JARID2: variants seen among roughly 807,000 people sequenced by gnomAD.
JARID2 encodes protein Jumonji.
Under a neutral mutation model 125.6 loss-of-function variants are expected in JARID2, and 21 were observed. The observed-to-expected ratio is 0.17, with a 90% CI of 0.12 to 0.24. The LOEUF (loss-of-function observed/expected upper bound fraction) is 0.24. JARID2 is among the 10% of genes least tolerant of loss of function. The pLI is 1.00. For synonymous variants in JARID2, 736 were observed against 661.6 expected (o/e 1.11, Z -1.73); for missense variants, 1,303 against 1,639.6 (o/e 0.79, Z 3.55).
At chr6:15,486,306 C>T (rs1769862318) in intron 5 of JARID2, among the ~76,000 whole-genome samples, 1 of 152,234 alleles carries the variant, frequency 6.6e-6, no homozygotes. Context: ...AAACCCATAA[C>T]GTTGGTGTTT....
At chr6:15,298,965 C>T (rs527591248) in intron 1 of JARID2, among the ~76,000 whole-genome samples, 9 of 131,774 alleles carry the variant, frequency 6.8e-5, no homozygotes, top group Admixed American at 5.6e-4. Context: ...GCTGGGTATC[C>T]TTAAATGTGT....
chr6:15,501,325 A>G lies in JARID2; in HGVS notation c.2364A>G (p.Arg788=). The part of the protein sequence containing the change: ...GQAQLKTGRR[R]LFAQEKEVVK... ...CCCAGTTGAAGACTGGCCGGCGGCG[A>G]CTCTTCGCTCAGGAAAAAGAAGTGG... The change falls in exon 8 of 18, where the codon CGA becomes CGG. Residue 788 remains arginine, a synonymous_variant. Transcript: ENST00000341776. 6.2e-7 allele frequency: 1 copy of G among 1,607,652 alleles called. No homozygotes were observed. The highest frequency in any genetic ancestry group is 8.5e-7 in the Non-Finnish European group (1 of 1,176,516).
In JARID2 at chr6:15,278,372, G is replaced by C. The variant is rs140353410; in HGVS notation, c.45+31788G>C. Among the ~76,000 whole-genome samples the C allele has an allele frequency of 2.7e-3, 413 of 151,464 alleles. 2 individuals carry two copies. The highest frequency in any genetic ancestry group is 9.4e-3 in the African/African-American group (389 of 41,298). ...GAGGCTGAGGCGGGTGGATCACGAG[G>C]TCAGGAGATTGAGACCATGCTGGCT... is the stretch of plus-strand genomic sequence containing the variant. On this transcript the variant is annotated intron_variant, in intron 1 of 17. Transcript: ENST00000341776.
At chr6:15,439,323 A>G (rs550872367) in intron 3 of JARID2, among the ~76,000 whole-genome samples, 2 of 151,998 alleles carry the variant, frequency 1.3e-5, no homozygotes, top group African/African-American at 4.8e-5. Context: ...CTGTACTTGC[A>G]CCCCTGCTGT....
At chr6:15,367,260 C>T (rs72834602) in intron 1 of JARID2, among the ~76,000 whole-genome samples, 76 of 152,268 alleles carry the variant, frequency 5.0e-4, no homozygotes, top group Middle Eastern at 6.8e-3. Flanking sequence ...AATGTGTTTT[C>T]CTTTAACCCA....
intron 1 of JARID2, among the ~76,000 whole-genome samples, chr6:15,283,145 AT>A (rs1183995474): frequency 2.7e-5 from 4 of 148,938 alleles, no homozygotes; most frequent in South Asian, 2.1e-4. Context: ...CGCCCGGCTA[AT>A]TTTTTGTATT....
intron 1 of JARID2, among the ~76,000 whole-genome samples, chr6:15,284,472 A>T (rs954502230): frequency 1.3e-5 from 2 of 152,106 alleles, no homozygotes; most frequent in African/African-American, 4.8e-5. Context: ...GATCCACTTA[A>T]ATAAAAATCT....
rs542730733 is a variant in JARID2, at chr6:15,312,962, C to T, written c.46-61155C>T. On this transcript the variant is annotated intron_variant, in intron 1 of 17. Transcript: ENST00000341776. ...ACTGACCCAAGCCTTGTTGTTCCGA[C>T]GAAAACACTGGCGTTCAGCATCTTT... 2.6e-5 allele frequency among the ~76,000 whole-genome samples: 4 copies of T among 152,268 alleles called. No homozygotes were observed. The East Asian group carries it at 7.7e-4, about 29-fold the overall frequency.
At chr6:15,517,100 AC>A in intron 16 of JARID2, 60 bp from the exon 17 acceptor site, 1 of 1,289,464 alleles carries the variant, frequency 7.8e-7, no homozygotes, top group African/African-American at 1.5e-5. Context: ...CTCCTACCTT[AC>A]CCTCCCAGGG....
At chr6:15,290,079 TC>T (rs1177169753) in intron 1 of JARID2, among the ~76,000 whole-genome samples, 28 of 152,172 alleles carry the variant, frequency 1.8e-4, no homozygotes, top group Non-Finnish European at 3.5e-4. Flanking sequence ...ACCTATGTAA[TC>T]ACCACCCAAT....
At chr6:15,332,965 G>C (rs1383194316) in intron 1 of JARID2, among the ~76,000 whole-genome samples, 1 of 119,728 alleles carries the variant, frequency 8.4e-6, no homozygotes, top group East Asian at 2.4e-4. Flanking sequence ...TTTTGGAGAC[G>C]GAGTCGCCCA....
rs188888991 is a variant in JARID2 at position 15,297,749 on chromosome 6, C to T, written c.45+51165C>T. ...GGCAAATCCTAGCCCCCTTTGAATC[C>T]TTTTCAGACTTCGTTTCCCACAACA... On this transcript the variant is annotated intron_variant, in intron 1 of 17. Transcript: ENST00000341776. Among the ~76,000 whole-genome samples the T allele has an allele frequency of 4.6e-3, 706 of 152,196 alleles. 5 individuals carry two copies. Among genetic ancestry groups the T allele is most frequent in the African/African-American group, 0.016 (671 of 41,508 alleles).
intron 4 of JARID2, among the ~76,000 whole-genome samples, chr6:15,464,177 C>T (rs1768596692): frequency 1.3e-5 from 2 of 152,126 alleles, no homozygotes; most frequent in South Asian, 4.1e-4. Flanking sequence ...AAAAAAAGAA[C>T]CTACTTTGGC....
At chr6:15,268,609 G>T (rs1447158205) in intron 1 of JARID2, among the ~76,000 whole-genome samples, 1 of 152,292 alleles carries the variant, frequency 6.6e-6, no homozygotes, top group Admixed American at 6.5e-5. Context: ...ACAAGCCTCC[G>T]AAGGCCTCTG....
chr6:15,394,644 A>T (rs1287300872), intron 2 of JARID2, among the ~76,000 whole-genome samples: 1 of 152,198 alleles, frequency 6.6e-6, no homozygotes, highest in Non-Finnish European at 1.5e-5. Context: ...TTCTTGAAGA[A>T]ACCTGACAGT....
intron 3 of JARID2, among the ~76,000 whole-genome samples, chr6:15,448,243 T>C (rs141614889): frequency 1.7e-4 from 26 of 152,346 alleles, no homozygotes; most frequent in African/African-American, 5.8e-4. Context: ...TAATGTGTTA[T>C]TGCCTTATTT....
Position 15,249,159 on chromosome 6 carries a change from AATG to A in JARID2, c.45+2577_45+2579del, listed in dbSNP as rs374161632. Among the ~76,000 whole-genome samples, 71 of 152,346 alleles carry A rather than the reference AATG, an allele frequency of 4.7e-4. No homozygotes were observed. The East Asian group carries it at 0.01, about 22-fold the overall frequency. ...CCCCTCTCCAGTGCTTATGTAAAGA[AATG>A]AAAGTATTCAGGGAAAGCTGTGCTT... On this transcript the variant is annotated intron_variant, in intron 1 of 17. Transcript: ENST00000341776.
intron 5 of JARID2, among the ~76,000 whole-genome samples, chr6:15,481,409 G>T (rs1489967952): frequency 3.3e-5 from 5 of 152,108 alleles, no homozygotes; most frequent in Non-Finnish European, 7.4e-5. Context: ...TGAACTTTCT[G>T]TCTTTCTCTC....
Position 15,496,398 on chromosome 6 carries a change from A to G in JARID2, c.1173A>G (p.Leu391=), listed in dbSNP as rs950540308. 9 of 1,613,886 alleles carry G rather than the reference A, an allele frequency of 5.6e-6. No individual in the cohort carries two copies. The highest frequency in any genetic ancestry group is 5.0e-5 in the Admixed American group (3 of 60,014). The change falls in exon 7 of 18, where the codon CTA becomes CTG. Residue 391 remains leucine, a synonymous_variant. Transcript: ENST00000341776. ...ATGCAAAAACCCGCAAACAGGTGCT[A>G]TCCCTCGGGGGGGCGTCCAAGTCCA... is the stretch of plus-strand genomic sequence containing the variant. The part of the protein sequence containing the change: ...SSNAKTRKQV[L]SLGGASKSTG...
Sources: allele counts gnomAD v4.1 joint callset (sites outside exome capture counted in the v4.1 genomes callset), GRCh38; gene constraint gnomAD v4.1.1; transcripts MANE v1.5; gene names NCBI Gene and HGNC (gene_info 2026-07-23, HGNC 2026-07-21).